Variants in COL18A1 observed in about 807,000 individuals in gnomAD.
COL18A1 encodes the protein collagen type XVIII alpha 1 chain.
In COL18A1, 133 loss-of-function variants were observed where a neutral mutation model predicts 168.0. The ratio of observed to expected loss-of-function variants is 0.79; its 90% confidence interval spans 0.69 to 0.91. The LOEUF is 0.91. Ranked by LOEUF, COL18A1 falls within the 40% of genes least tolerant of loss-of-function variation. The probability of loss-of-function intolerance (pLI) is 0.00; values close to 1 mark genes in which losing one functional copy is unlikely to be tolerated. For missense variants in COL18A1, 2,126 were observed against 1,925.4 expected (o/e 1.10, Z -1.95); for synonymous variants, 949 against 809.0 (o/e 1.17, Z -2.94).
In COL18A1 at chr21:45,463,635, C is replaced by G. The variant is rs1001155734; in HGVS notation, c.107-4607C>G. Among the ~76,000 whole-genome samples the G allele has an allele frequency of 1.3e-5, 2 of 152,166 alleles. No homozygotes were observed. The highest frequency in any genetic ancestry group is 2.9e-5 in the Non-Finnish European group (2 of 68,028). On this transcript the variant is annotated intron_variant, in intron 2 of 41. Coordinates refer to ENST00000651438, the MANE Select transcript of COL18A1 (RefSeq NM_001379500.1). This position sits in a 1 kb window ranked among gnomAD's most constrained non-coding sequence, Gnocchi z 4.0. ...AGTCTTGGCCAGGCATGGTGGCTCA[C>G]GTCTGTAATCCCAGCACTTTGGGAT...
chr21:45,477,558 G>A, intron 7 of COL18A1, 71 bp downstream of exon 7: 1 of 1,451,976 alleles, frequency 6.9e-7, no homozygotes. Flanking sequence ...GCCACTCACT[G>A]GTGAGCCCTG....
At chr21:45,496,754 G>A (rs2036557524) in intron 30 of COL18A1, among the ~76,000 whole-genome samples, 186 bp downstream of exon 30, 1 of 152,236 alleles carries the variant, frequency 6.6e-6, no homozygotes, top group Non-Finnish European at 1.5e-5. Flanking sequence ...GAAAGGGAGG[G>A]CTCTCTGGGT....
intron 38 of COL18A1, among the ~76,000 whole-genome samples, chr21:45,508,392 G>A (rs2037365837): frequency 6.6e-6 from 1 of 150,832 alleles, no homozygotes; most frequent in Non-Finnish European, 1.5e-5. Context: ...TGGGCAGATG[G>A]ATGGTGGATA....
At chr21:45,435,211 G>A (rs555061276) in intron 2 of COL18A1, among the ~76,000 whole-genome samples, 6 of 141,968 alleles carry the variant, frequency 4.2e-5, no homozygotes, top group African/African-American at 1.3e-4. Flanking sequence ...GTAGGGGGTC[G>A]ATGGGAGGAA....
intron 2 of COL18A1, among the ~76,000 whole-genome samples, chr21:45,444,378 A>C (rs1180609772): frequency 6.6e-6 from 1 of 152,072 alleles, no homozygotes; most frequent in Admixed American, 6.5e-5. Context: ...TGGGATGTGC[A>C]GAGTGAATGA....
chr21:45,510,517 C>T (rs570995929), intron 40 of COL18A1, among the ~76,000 whole-genome samples: 23 of 152,248 alleles, frequency 1.5e-4, no homozygotes, highest in African/African-American at 2.2e-4. Context: ...CCTGACCCCC[C>T]GCTCCCCCGG....
rs757164537 is a variant in COL18A1 at position 45,483,703 on chromosome 21, C to T, written c.1701+882C>T. ...CTTGGCTGGACGGGGTTGGCACTAA[C>T]GGGGAACTTTCCCCAGAACATGGCC... is the stretch of plus-strand genomic sequence containing the variant. On this transcript the variant is annotated intron_variant, in intron 15 of 41. Coordinates refer to ENST00000651438, the MANE Select transcript of COL18A1 (RefSeq NM_001379500.1). Among the ~76,000 whole-genome samples, 5 of 152,148 alleles carry T rather than the reference C, an allele frequency of 3.3e-5. No individual in the cohort carries two copies. In the East Asian group the frequency reaches 7.7e-4, roughly 23 times the overall value.
chr21:45,498,131 G>C lies in COL18A1; in HGVS notation c.2683+470G>C, dbSNP rs541735069. The C allele has an allele frequency of 7.5e-5, 48 of 639,038 alleles. 1 individual carries two copies. The East Asian group carries it at 1.1e-3, about 15-fold the overall frequency. The allele number at this position is 639,038 out of a possible 1,614,324, so 39.6% of individuals were successfully genotyped here. On this transcript the variant is annotated intron_variant, in intron 32 of 41. Transcript: ENST00000651438. This position sits in a 1 kb window ranked among gnomAD's most constrained non-coding sequence, Gnocchi z 4.5. ...CCCCAAAGGACAAGAATTCCCCCCT[G>C]AGCCCCACCTCCATTGAGGGTGGCA...
chr21:45,483,003 C>T (rs2035953644), intron 15 of COL18A1, among the ~76,000 whole-genome samples, 182 bp downstream of exon 15: 1 of 152,254 alleles, frequency 6.6e-6, no homozygotes, highest in Non-Finnish European at 1.5e-5. Flanking sequence ...GCCTCTGTCA[C>T]TCTGGCGAGG....
intron 2 of COL18A1, among the ~76,000 whole-genome samples, chr21:45,458,387 A>G (rs1272163918): frequency 3.3e-5 from 5 of 150,072 alleles, no homozygotes; most frequent in Admixed American, 2.7e-4. Context: ...TTGGCATCTC[A>G]TAGGGCTGGA....
rs1239384133 is a variant in COL18A1 at position 45,510,019 on chromosome 21, G to T, written c.3496-45G>T. On this transcript the variant is annotated intron_variant, in intron 39 of 41. Coordinates refer to ENST00000651438, the MANE Select transcript of COL18A1 (RefSeq NM_001379500.1). The stretch of plus-strand genomic sequence containing the variant: ...TGGTGCGCCCGGGGCCTGGGTGCAG[G>T]GGGCAGCGTGGGACACAGCCCGTGA... 4 of 1,530,326 alleles carry T rather than the reference G, an allele frequency of 2.6e-6. 1 individual carries two copies. The highest frequency in any genetic ancestry group is 4.9e-5 in the East Asian group (2 of 40,820). 94.8% of individuals were successfully genotyped at this position (1,530,326 alleles called of 1,614,324 possible).
Position 45,495,416 on chromosome 21 carries a change from T to C in COL18A1, c.2492T>C (p.Leu831Pro). Residue 831 changes from leucine to proline, a missense_variant, in exon 29 of 42, where the codon CTT becomes CCT. Physicochemically the swap from Leu to Pro is moderately conservative, Grantham distance 98. Transcript: ENST00000651438. ...GEKGEPGDAS[L>P]GFGMRGMPGP... The stretch of plus-strand genomic sequence containing the variant: ...AAAGGGGAGCCGGGAGATGCCAGCC[T>C]TGGATTTGGCATGAGGGTGAGTGTC... 1.2e-6 allele frequency: 2 copies of C among 1,610,782 alleles called. No individual in the cohort carries two copies. The highest frequency in any genetic ancestry group is 1.7e-6 in the Non-Finnish European group (2 of 1,178,506).
chr21:45,414,858 A>G (rs112916266), intron 2 of COL18A1, among the ~76,000 whole-genome samples: 5,080 of 152,292 alleles, frequency 0.033, 236 homozygotes, highest in African/African-American at 0.11. Flanking sequence ...GATGAGGCTC[A>G]GGATCAGGTG....
Position 45,482,791 on chromosome 21 carries a change from A to G in COL18A1, c.1675-4A>G. The G allele has an allele frequency of 6.2e-7, 1 of 1,614,160 alleles. No individual in the cohort carries two copies. Among genetic ancestry groups the G allele is most frequent in the Non-Finnish European group, 8.5e-7 (1 of 1,180,026 alleles). On this transcript the variant is annotated splice_polypyrimidine_tract_variant and splice_region_variant and intron_variant, in intron 14 of 41. Coordinates refer to ENST00000651438, the MANE Select transcript of COL18A1 (RefSeq NM_001379500.1). ...TTGTCATAATCCTGCTCTTTTCCGT[A>G]CAGGGTGAAGCAGGCGCCCCAGGAC...
chr21:45,502,857 C>A (rs1373307850), intron 32 of COL18A1: 4 of 152,200 alleles, frequency 2.6e-5, no homozygotes, highest in Non-Finnish European at 5.9e-5. Flanking sequence ...TTTCTCAGCA[C>A]GTCTCCCACG....
Position 45,505,166 on chromosome 21 carries a change from C to A in COL18A1, c.2901C>A (p.Pro967=). The change falls in exon 35 of 42, where the codon CCC becomes CCA. Residue 967 remains proline, a synonymous_variant. Transcript: ENST00000651438. ...AGGGAGAGAGCATCCGGGGCCAGCCCGGCCCACCTGGACCTCAGGGACCCC... is the reference window on the plus strand; with the variant it reads ...AGGGAGAGAGCATCCGGGGCCAGCCAGGCCCACCTGGACCTCAGGGACCCC... ...GPKGESIRGQ[P]GPPGPQGPPG... 1 of 1,607,706 alleles carries A rather than the reference C, an allele frequency of 6.2e-7. No individual in the cohort carries two copies. Among genetic ancestry groups the A allele is most frequent in the Non-Finnish European group, 8.5e-7 (1 of 1,178,028 alleles).
chr21:45,449,073 C>T (rs186017295), intron 2 of COL18A1, among the ~76,000 whole-genome samples: 2 of 152,300 alleles, frequency 1.3e-5, no homozygotes, highest in African/African-American at 4.8e-5. Flanking sequence ...TCTAAAGTGT[C>T]TTTTCCCTGC....
intron 15 of COL18A1, among the ~76,000 whole-genome samples, chr21:45,485,346 TG>T (rs963761085): frequency 6.6e-6 from 1 of 150,694 alleles, no homozygotes; most frequent in Non-Finnish European, 1.5e-5. Flanking sequence ...AAAAATTAGA[TG>T]AGGCTGGACA....
chr21:45,505,508 A>T, intron 36 of COL18A1, 77 bp downstream of exon 36: 1 of 802,726 alleles, frequency 1.2e-6, no homozygotes, highest in Non-Finnish European at 2.1e-6. Flanking sequence ...CCTCAGAGAC[A>T]CTCTCCCACG....
Sources: allele counts gnomAD v4.1 joint callset (sites outside exome capture counted in the v4.1 genomes callset), GRCh38; gene constraint gnomAD v4.1.1; non-coding constraint Gnocchi (gnomAD v3.1); transcripts MANE v1.5; gene names NCBI Gene and HGNC (gene_info 2026-07-23, HGNC 2026-07-21).